Variants in FZD3 observed in about 807,000 individuals in gnomAD.
FZD3 encodes the protein frizzled class receptor 3, also known as frizzled-3.
A neutral mutation model predicts 60.7 loss-of-function variants in FZD3; 30 were observed. The ratio of observed to expected loss-of-function variants is 0.49; its 90% CI spans 0.37 to 0.67. The LOEUF is 0.67. FZD3 is among the 30% of genes least tolerant of loss of function. The pLI is 0.00. For missense variants in FZD3, 605 were observed against 838.7 expected (o/e 0.72, Z 3.44); for synonymous variants, 246 against 275.2 (o/e 0.89, Z 1.05).
chr8:28,512,041 G>T (rs1804303555), intron 3 of FZD3, among the ~76,000 whole-genome samples: 2 of 152,164 alleles, frequency 1.3e-5, no homozygotes, highest in Non-Finnish European at 2.9e-5. Context: ...TAGTTCTGTG[G>T]TTGGTGGGGA....
chr8:28,564,748 T>G lies in FZD3; in HGVS notation c.*1737T>G, dbSNP rs942913454. 4 of 152,240 alleles carry G rather than the reference T, an allele frequency of 2.6e-5. No homozygotes were observed. Among genetic ancestry groups the G allele is most frequent in the African/African-American group, 9.6e-5 (4 of 41,462 alleles). 9.4% of individuals were successfully genotyped at this position (152,240 alleles called of 1,614,324 possible). A position where few individuals can be genotyped will look rare whatever the true frequency, so the allele number is the denominator to read the frequency against. ...CGGAGGTAATCCAAGAATCATACTT[T>G]GAAGAATTATTCTAGACTCTGAAGA... is the stretch of plus-strand genomic sequence containing the variant. On this transcript the variant is annotated 3_prime_UTR_variant, in exon 8 of 8. Coordinates refer to ENST00000240093, the MANE Select transcript of FZD3 (RefSeq NM_017412.4).
intron 5 of FZD3, among the ~76,000 whole-genome samples, chr8:28,545,998 G>C (rs1294103194): frequency 6.6e-6 from 1 of 152,054 alleles, no homozygotes; most frequent in Non-Finnish European, 1.5e-5. Flanking sequence ...TAATACAATT[G>C]TTTGCATTAT....
At chr8:28,518,833 A>G (rs571537999) in intron 3 of FZD3, among the ~76,000 whole-genome samples, 1 of 152,324 alleles carries the variant, frequency 6.6e-6, no homozygotes, top group East Asian at 1.9e-4. Flanking sequence ...TACCACCTTT[A>G]AAAAGTGGCT....
chr8:28,526,101 G>A (rs967608777), intron 4 of FZD3, among the ~76,000 whole-genome samples: 4 of 145,838 alleles, frequency 2.7e-5, no homozygotes, highest in African/African-American at 1.0e-4. Flanking sequence ...TTGGCAGTTA[G>A]ATATACAAAT....
At chr8:28,547,476 T>C (rs2130448919) in intron 5 of FZD3, among the ~76,000 whole-genome samples, 1 of 152,314 alleles carries the variant, frequency 6.6e-6, no homozygotes, top group Middle Eastern at 3.4e-3. Context: ...TTGTCTTTTA[T>C]AGAGGTTTAT....
intron 3 of FZD3, among the ~76,000 whole-genome samples, chr8:28,519,839 C>T (rs530933999): frequency 2.0e-4 from 31 of 152,180 alleles, no homozygotes; most frequent in Admixed American, 9.8e-4. Context: ...CTCTCCTTCT[C>T]CCAGTTTTTC....
rs74906340 is a variant in FZD3 at position 28,508,970 on chromosome 8, C to A, written c.189+5768C>A. On this transcript the variant is annotated intron_variant, in intron 3 of 7. Transcript: ENST00000240093. ...GATTACAGCAAGCAGTTTAAGATTT[C>A]TTTATACTTCTTTTTGTCCTTTAGG... Among the ~76,000 whole-genome samples the A allele has an allele frequency of 4.6e-3, 701 of 151,918 alleles. 23 individuals carry two copies. In the East Asian group the frequency reaches 0.089, roughly 19 times the overall value.
Position 28,555,799 on chromosome 8 carries a change from G to A in FZD3, c.1615G>A (p.Asp539Asn), listed in dbSNP as rs1805497070. 1 of 1,613,920 alleles carries A rather than the reference G, an allele frequency of 6.2e-7. No individual in the cohort carries two copies. The highest frequency in any genetic ancestry group is 1.7e-5 in the Admixed American group (1 of 60,016). Residue 539 changes from aspartate (D) to asparagine (N), a missense_variant, in exon 7 of 8, where the codon GAT becomes AAT. Asp to Asn is a conservative substitution (Grantham distance 23). Transcript: ENST00000240093. ...EPDFAQSLLR[D>N]PNTPIIRKSR... ...TGATTTTGCTCAGTCTCTCCTGAGG[G>A]ATCCAAATACTCCTATCATAAGAAA...
In FZD3 at chr8:28,564,704, A is replaced by C. The variant is rs184165033; in HGVS notation, c.*1693A>C. The C allele has an allele frequency of 6.6e-6, 1 of 152,318 alleles. No individual in the cohort carries two copies. The highest frequency in any genetic ancestry group is 1.5e-5 in the Non-Finnish European group (1 of 68,026). The allele number at this position is 152,318 out of a possible 1,614,324, so 9.4% of individuals were successfully genotyped here. ...GACTTTAAAATCTGTAGTTATAAAA[A>C]TACCGCAGGTGATTCTTACGGAGGT... On this transcript the variant is annotated 3_prime_UTR_variant, in exon 8 of 8. Coordinates refer to ENST00000240093, the MANE Select transcript of FZD3 (RefSeq NM_017412.4).
At chr8:28,499,565 G>A (rs1480308468) in intron 1 of FZD3, among the ~76,000 whole-genome samples, 1 of 151,880 alleles carries the variant, frequency 6.6e-6, no homozygotes, top group Non-Finnish European at 1.5e-5. Context: ...TACATTTTAA[G>A]GGCTTTTGAT....
rs1313006316 is a variant in FZD3 at position 28,569,690 on chromosome 8, AATTAT to A, written c.*6684_*6688del. On this transcript the variant is annotated 3_prime_UTR_variant, in exon 8 of 8. Coordinates refer to ENST00000240093, the MANE Select transcript of FZD3 (RefSeq NM_017412.4). Reference sequence around the variant, plus strand: ...ATTTTAAGTAATTTTAAAGAAGGAAAATTATATTACAGATAATAAAAATGAAAGAA... The same window carrying A: ...ATTTTAAGTAATTTTAAAGAAGGAAAATTACAGATAATAAAAATGAAAGAA... 6 of 152,186 alleles carry A rather than the reference AATTAT, an allele frequency of 3.9e-5. No individual in the cohort carries two copies. Among genetic ancestry groups the A allele is most frequent in the Admixed American group, 1.3e-4 (2 of 15,284 alleles). The allele number at this position is 152,186 out of a possible 1,614,324, so 9.4% of individuals were successfully genotyped here.
chr8:28,571,040 AAAAG>A lies in FZD3; in HGVS notation c.*8033_*8036del, dbSNP rs1227569266. On this transcript the variant is annotated 3_prime_UTR_variant, in exon 8 of 8. Coordinates refer to ENST00000240093, the MANE Select transcript of FZD3 (RefSeq NM_017412.4). The stretch of plus-strand genomic sequence containing the variant: ...TCGATTGCCTACCAAAAAAAAAAAA[AAAAG>A]AAAAGGTTTGTTTTTAGTTCTCTGC... The A allele has an allele frequency of 2.6e-5, 4 of 152,030 alleles. No individual in the cohort carries two copies. The highest frequency in any genetic ancestry group is 2.1e-4 in the South Asian group (1 of 4,796). 9.4% of individuals were successfully genotyped at this position (152,030 alleles called of 1,614,324 possible). A position where few individuals can be genotyped will look rare whatever the true frequency, so the allele number is the denominator to read the frequency against.
At chr8:28,512,143 T>G (rs1804306398) in intron 3 of FZD3, among the ~76,000 whole-genome samples, 2 of 152,134 alleles carry the variant, frequency 1.3e-5, no homozygotes, top group South Asian at 4.1e-4. Context: ...TTTTGGGTGG[T>G]AGGGGACAGA....
At position 28,566,343 on chromosome 8, in the gene FZD3, ATT is replaced by A. The variant is rs1805705832; in HGVS notation, c.*3335_*3336del. On this transcript the variant is annotated 3_prime_UTR_variant, in exon 8 of 8. Transcript: ENST00000240093. ...AGACATGTACCAATCCTTTTAATTA[ATT>A]TTAGAAGATGAACAGTGATTCTTAG... 6.6e-6 allele frequency: 1 copy of A among 152,184 alleles called. No homozygotes were observed. The highest frequency in any genetic ancestry group is 2.1e-4 in the South Asian group (1 of 4,834). The allele number at this position is 152,184 out of a possible 1,614,324, so 9.4% of individuals were successfully genotyped here.
At chr8:28,528,260 A>G in intron 5 of FZD3, 96 bp downstream of exon 5, 1 of 883,690 alleles carries the variant, frequency 1.1e-6, no homozygotes, top group East Asian at 2.6e-5. Context: ...TTGAAATGTC[A>G]TGAACCTTCA....
rs1805826906 is a variant in FZD3 at position 28,572,630 on chromosome 8, A to C, written c.*9619A>C. 6.6e-6 allele frequency: 1 copy of C among 152,132 alleles called. No homozygotes were observed. The highest frequency in any genetic ancestry group is 2.4e-5 in the African/African-American group (1 of 41,436). 9.4% of individuals were successfully genotyped at this position (152,132 alleles called of 1,614,324 possible). A position where few individuals can be genotyped will look rare whatever the true frequency, so the allele number is the denominator to read the frequency against. ...CCTAATATAAAAGGGTTCATCTGTAAGTATCATTTAGAGGCAAAATAATTT... is the reference window on the plus strand; with the variant it reads ...CCTAATATAAAAGGGTTCATCTGTACGTATCATTTAGAGGCAAAATAATTT... On this transcript the variant is annotated 3_prime_UTR_variant, in exon 8 of 8. Transcript: ENST00000240093.
Position 28,555,914 on chromosome 8 carries a change from G to T in FZD3, c.1730G>T (p.Ser577Ile). Residue 577 changes from serine to isoleucine, a missense_variant, in exon 7 of 8, where the codon AGC becomes ATC. Transcript: ENST00000240093. ...MVDDQRSKAG[S>I]IHSKVSSYHG... ...GATGATCAAAGAAGCAAAGCAGGAA[G>T]CATCCACAGCAAAGTGAGCAGCTAC... is the stretch of plus-strand genomic sequence containing the variant. 1 of 1,614,046 alleles carries T rather than the reference G, an allele frequency of 6.2e-7. No individual in the cohort carries two copies. Among genetic ancestry groups the T allele is most frequent in the Non-Finnish European group, 8.5e-7 (1 of 1,179,926 alleles).
intron 5 of FZD3, among the ~76,000 whole-genome samples, chr8:28,543,696 T>A (rs991057728): frequency 2.6e-5 from 4 of 151,756 alleles, no homozygotes; most frequent in African/African-American, 9.7e-5. Context: ...TCTACTTTTA[T>A]GAGATTTTCT....
In FZD3 at chr8:28,528,100, G is replaced by C. The variant is rs752575152; in HGVS notation, c.1340G>C (p.Gly447Ala). The C allele has an allele frequency of 2.5e-6, 4 of 1,613,842 alleles. No homozygotes were observed. Among genetic ancestry groups the C allele is most frequent in the Non-Finnish European group, 3.4e-6 (4 of 1,179,832 alleles). The change falls in exon 5 of 8, where the codon GGC becomes GCC. Residue 447 changes from glycine (G) to alanine (A), a missense_variant. By Grantham distance (60) the Gly-to-Ala change is moderately conservative. Coordinates refer to ENST00000240093, the MANE Select transcript of FZD3 (RefSeq NM_017412.4). ...GCYFYEQAYR[G>A]IWETTWIQER... ...TACTTTTATGAGCAAGCTTACCGGG[G>C]CATCTGGGAAACAACGTGGATACAA... is the stretch of plus-strand genomic sequence containing the variant.
Sources: allele counts gnomAD v4.1 joint callset (sites outside exome capture counted in the v4.1 genomes callset), GRCh38; gene constraint gnomAD v4.1.1; transcripts MANE v1.5; gene names NCBI Gene and HGNC (gene_info 2026-07-23, HGNC 2026-07-21).